Variants in TSNARE1 observed in about 807,000 individuals in gnomAD.
TSNARE1 encodes t-SNARE domain containing 1.
TSNARE1 carries 49 observed loss-of-function variants against 62.0 expected under a neutral mutation model. The observed-to-expected ratio is 0.79, with a 90% CI of 0.63 to 1.00. TSNARE1 has a LOEUF of 1.00. Ranked by LOEUF, TSNARE1 falls within the 50% of genes least tolerant of loss-of-function variation. The pLI, the probability that TSNARE1 is intolerant of heterozygous loss-of-function variation, is 0.00. For missense variants in TSNARE1, 755 were observed against 700.1 expected, an observed-to-expected ratio of 1.08 and a Z score of -0.88; for synonymous variants, 328 against 294.4, an observed-to-expected ratio of 1.11 and a Z score of -1.17.
chr8:142,384,196 A>G (rs1836960957), intron 1 of TSNARE1, among the ~76,000 whole-genome samples: 1 of 152,146 alleles, frequency 6.6e-6, no homozygotes, highest in Non-Finnish European at 1.5e-5. Context: ...AGAGAGCCAC[A>G]TGTGCAGTCT....
intron 9 of TSNARE1, 133 bp downstream of exon 9, chr8:142,314,251 G>T: frequency 1.3e-6 from 1 of 754,794 alleles, no homozygotes; most frequent in Non-Finnish European, 2.2e-6. Flanking sequence ...CGTTTTCAAG[G>T]CTGTGCCTCA....
At chr8:142,396,801 AGCCTAGCAGGTGCC>A (rs917861018) in intron 1 of TSNARE1, among the ~76,000 whole-genome samples, 9 of 152,200 alleles carry the variant, frequency 5.9e-5, no homozygotes, top group African/African-American at 2.2e-4. Flanking sequence ...GAGCAGGAAG[AGCCTAGCAGGTGCC>A]TGACAGATGC....
intron 10 of TSNARE1, among the ~76,000 whole-genome samples, chr8:142,298,882 C>A (rs989423924): frequency 1.3e-5 from 2 of 152,178 alleles, no homozygotes; most frequent in Non-Finnish European, 2.9e-5. Context: ...CACGAGCACC[C>A]GTTTCTCCAC....
intron 9 of TSNARE1, among the ~76,000 whole-genome samples, chr8:142,311,289 AGTTTTT>A (rs1462269357): frequency 2.9e-5 from 2 of 68,810 alleles, no homozygotes; most frequent in South Asian, 4.9e-4. Flanking sequence ...CAGCCTCTCT[AGTTTTT>A]TTTTTTTTTT....
intron 1 of TSNARE1, among the ~76,000 whole-genome samples, chr8:142,381,937 C>T (rs1836783651): frequency 6.6e-6 from 1 of 152,192 alleles, no homozygotes; most frequent in Admixed American, 6.5e-5. Context: ...CACCCACTCT[C>T]AGACGCTGCC....
rs529421825 is a variant in TSNARE1 at position 142,355,632 on chromosome 8, C to A, written c.-39-869G>T. Among the ~76,000 whole-genome samples, 3 of 152,300 alleles carry A rather than the reference C, an allele frequency of 2.0e-5. No individual in the cohort carries two copies. In the South Asian group the frequency reaches 6.2e-4, roughly 32 times the overall value. Reference sequence around the variant, plus strand: ...CTCCCTGTGTGCAGGGGTCCCTGTGCGGGCAGCTTCTGACTGGCCTACACC... The same window carrying A: ...CTCCCTGTGTGCAGGGGTCCCTGTGAGGGCAGCTTCTGACTGGCCTACACC... On this transcript the variant is annotated intron_variant, in intron 1 of 13. Transcript: ENST00000524325.
intron 4 of TSNARE1, among the ~76,000 whole-genome samples, chr8:142,333,241 G>T (rs1036990177): frequency 6.6e-6 from 1 of 152,176 alleles, no homozygotes; most frequent in Non-Finnish European, 1.5e-5. Flanking sequence ...AAAGTGAACG[G>T]CAAGTAAAGC....
intron 10 of TSNARE1, among the ~76,000 whole-genome samples, chr8:142,288,256 C>T (rs564062999): frequency 2.6e-5 from 4 of 152,326 alleles, no homozygotes; most frequent in Admixed American, 2.0e-4. Context: ...CCCTGAGGCT[C>T]GGCCTCAGTG....
chr8:142,232,148 G>A (rs1054646014), intron 12 of TSNARE1, among the ~76,000 whole-genome samples: 1 of 152,224 alleles, frequency 6.6e-6, no homozygotes, highest in Non-Finnish European at 1.5e-5. Context: ...CCTTTGACTT[G>A]GGGTGCCATG....
At chr8:142,220,634 T>A (rs1801423389) in intron 13 of TSNARE1, among the ~76,000 whole-genome samples, 1 of 152,182 alleles carries the variant, frequency 6.6e-6, no homozygotes, top group Admixed American at 6.5e-5. Flanking sequence ...GAGGGGCATC[T>A]ACGTTATCTC....
chr8:142,278,291 C>G (rs1358565016), intron 11 of TSNARE1: 1 of 985,358 alleles, frequency 1.0e-6, no homozygotes, highest in East Asian at 1.1e-4. Context: ...CCGCTGTGAG[C>G]AGGAGCAGCT....
At chr8:142,315,149 C>T in intron 7 of TSNARE1, 57 bp from the exon 8 acceptor site, 2 of 1,563,466 alleles carry the variant, frequency 1.3e-6, no homozygotes, top group Non-Finnish European at 1.8e-6. Flanking sequence ...CCCAGCAGCC[C>T]CCACCACCCA....
intron 12 of TSNARE1, chr8:142,270,799 T>C (rs1392952125): frequency 5.1e-6 from 5 of 985,448 alleles, no homozygotes; most frequent in Non-Finnish European, 6.0e-6. Flanking sequence ...CACATGGGGT[T>C]GGAGCCTCCA....
At chr8:142,347,076 C>A (rs1833466960) in intron 2 of TSNARE1, among the ~76,000 whole-genome samples, 1 of 152,262 alleles carries the variant, frequency 6.6e-6, no homozygotes, top group African/African-American at 2.4e-5. Flanking sequence ...GCTCACTGCT[C>A]TGGACTGGGG....
Position 142,218,636 on chromosome 8 carries a change from G to C in TSNARE1, c.*12-6323C>G, listed in dbSNP as rs1449912543. On this transcript the variant is annotated intron_variant, in intron 13 of 13. Transcript: ENST00000524325. ...CATCTGCCCCTGTTGACTGCCTGAGGCCAGACCCACAGGCCGACACCCGAC... is the reference window on the plus strand; with the variant it reads ...CATCTGCCCCTGTTGACTGCCTGAGCCCAGACCCACAGGCCGACACCCGAC... Among the ~76,000 whole-genome samples, 4 of 152,294 alleles carry C rather than the reference G, an allele frequency of 2.6e-5. No individual in the cohort carries two copies. The East Asian group carries it at 7.7e-4, about 29-fold the overall frequency.
chr8:142,273,488 C>A, intron 12 of TSNARE1: 2 of 985,412 alleles, frequency 2.0e-6, no homozygotes, highest in Non-Finnish European at 2.4e-6. Flanking sequence ...CCAGAGCTGG[C>A]GCCAGGAGAC....
chr8:142,223,174 G>C lies in TSNARE1; in HGVS notation c.*11+6299C>G, dbSNP rs1211683948. Among the ~76,000 whole-genome samples the C allele has an allele frequency of 2.4e-3, 20 of 8,420 alleles. 1 individual carries two copies. Among genetic ancestry groups the C allele is most frequent in the South Asian group, 0.01 (2 of 196 alleles). 5.5% of individuals were successfully genotyped at this position (8,420 alleles called of 152,430 possible). A position where few individuals can be genotyped will look rare whatever the true frequency, so the allele number is the denominator to read the frequency against. ...CTCACTCATTCACTCACTCACTCAA[G>C]TATTCACTCATTCACTCGTTCACTC... On this transcript the variant is annotated intron_variant, in intron 13 of 13. Transcript: ENST00000524325.
At chr8:142,389,823 C>T (rs1010289320) in intron 1 of TSNARE1, among the ~76,000 whole-genome samples, 1 of 152,226 alleles carries the variant, frequency 6.6e-6, no homozygotes, top group African/African-American at 2.4e-5. Flanking sequence ...GAAGGACAAA[C>T]AGTCATTCTT....
At chr8:142,342,919 C>T (rs1239864594) in intron 4 of TSNARE1, among the ~76,000 whole-genome samples, 2 of 150,716 alleles carry the variant, frequency 1.3e-5, no homozygotes, top group Non-Finnish European at 3.0e-5. Flanking sequence ...GCTCAGACGC[C>T]GTGCCTACAC....
Sources: gnomAD v4.1 joint callset for allele counts (sites outside exome capture counted in the v4.1 genomes callset) on GRCh38, gnomAD v4.1.1 for gene constraint, MANE v1.5 for transcripts, NCBI Gene and HGNC (gene_info 2026-07-23, HGNC 2026-07-21) for gene names.